LARGE1: variants seen among roughly 807,000 people sequenced by gnomAD.
LARGE1 encodes the protein xylosyl- and glucuronyltransferase LARGE1.
LARGE1 carries 43 observed loss-of-function variants against 87.6 expected under a neutral mutation model. The ratio of observed to expected loss-of-function variants is 0.49; its 90% CI spans 0.38 to 0.63. The LOEUF (loss-of-function observed/expected upper bound fraction) is 0.63. LARGE1 is among the 30% of genes least tolerant of loss of function. The pLI, the probability that LARGE1 is intolerant of heterozygous loss-of-function variation, is 0.00. For synonymous variants in LARGE1, 434 were observed against 394.6 expected (o/e 1.10, Z -1.18); for missense variants, 802 against 1,000.2 (o/e 0.80, Z 2.67).
chr22:33,750,355 T>C (rs1259585475), intron 2 of LARGE1, among the ~76,000 whole-genome samples: 1 of 152,184 alleles, frequency 6.6e-6, no homozygotes, highest in African/African-American at 2.4e-5. Flanking sequence ...CCAAAAATCA[T>C]GACTTCTTAT....
intron 11 of LARGE1, among the ~76,000 whole-genome samples, chr22:33,211,543 C>T (rs539630846): frequency 2.2e-4 from 33 of 152,122 alleles, no homozygotes; most frequent in South Asian, 1.7e-3. Context: ...GAGGCCGAGG[C>T]GATGGATCAC....
At chr22:33,860,969 G>A (rs1009884372) in intron 1 of LARGE1, among the ~76,000 whole-genome samples, 1 of 152,158 alleles carries the variant, frequency 6.6e-6, no homozygotes, top group East Asian at 1.9e-4. Flanking sequence ...GGTCCTTGGA[G>A]TGTGAAGCCT....
intron 2 of LARGE1, among the ~76,000 whole-genome samples, chr22:33,730,582 ATGAC>A (rs1287626903): frequency 2.0e-5 from 3 of 152,230 alleles, no homozygotes; most frequent in African/African-American, 7.2e-5. Context: ...CAACTGTAAT[ATGAC>A]TGTATTATAC....
intron 2 of LARGE1, among the ~76,000 whole-genome samples, chr22:33,679,667 C>A (rs1405682347): frequency 2.0e-5 from 3 of 152,112 alleles, no homozygotes; most frequent in Non-Finnish European, 2.9e-5. Flanking sequence ...CATGATGAAA[C>A]CCTGTCTCTA....
chr22:33,613,871 G>C (rs530897833), intron 4 of LARGE1, among the ~76,000 whole-genome samples: 194 of 152,262 alleles, frequency 1.3e-3, no homozygotes, highest in African/African-American at 4.3e-3. Flanking sequence ...ACAGAAATCA[G>C]TTTTCCCTCT....
intron 1 of LARGE1, among the ~76,000 whole-genome samples, chr22:33,801,364 C>T (rs1332665811): frequency 6.6e-6 from 1 of 152,198 alleles, no homozygotes; most frequent in Non-Finnish European, 1.5e-5. Flanking sequence ...TGCAACCTCA[C>T]CAGCATCTGA....
intron 6 of LARGE1, among the ~76,000 whole-genome samples, chr22:33,495,335 C>A (rs759777715): frequency 1.2e-4 from 19 of 152,180 alleles, no homozygotes; most frequent in Admixed American, 2.0e-4. Flanking sequence ...CTCTCCCAAG[C>A]CCTTGACTGC....
chr22:33,319,139 C>T (rs1936466512), intron 10 of LARGE1, among the ~76,000 whole-genome samples: 1 of 152,150 alleles, frequency 6.6e-6, no homozygotes, highest in African/African-American at 2.4e-5. Flanking sequence ...GTGGTGCTTA[C>T]TAAAGCGGCA....
intron 11 of LARGE1, among the ~76,000 whole-genome samples, chr22:33,221,970 C>T (rs56824716): frequency 0.046 from 7,058 of 152,274 alleles, 537 homozygotes; most frequent in African/African-American, 0.16. Context: ...AACATTTTCA[C>T]TGGCCCCTCA....
intron 12 of LARGE1, among the ~76,000 whole-genome samples, chr22:33,297,185 C>T (rs1933403215): frequency 6.6e-6 from 1 of 152,120 alleles, no homozygotes; most frequent in Non-Finnish European, 1.5e-5. Context: ...ATAGAACAGC[C>T]ATGATGTGCC....
chr22:33,600,742 A>T (rs1213436976), intron 5 of LARGE1, among the ~76,000 whole-genome samples: 1 of 152,204 alleles, frequency 6.6e-6, no homozygotes, highest in East Asian at 1.9e-4. Flanking sequence ...GAGAGATGTG[A>T]CTCGGTTAAG....
chr22:33,894,254 G>A (rs1293345469), intron 1 of LARGE1, among the ~76,000 whole-genome samples: 1 of 152,164 alleles, frequency 6.6e-6, no homozygotes, highest in African/African-American at 2.4e-5. Context: ...CAGATCACCT[G>A]TGGAGTTTTT....
At chr22:33,333,903 G>T (rs1938069903) in intron 10 of LARGE1, among the ~76,000 whole-genome samples, 1 of 148,324 alleles carries the variant, frequency 6.7e-6, no homozygotes, top group Non-Finnish European at 1.5e-5. Flanking sequence ...TGGATCACCT[G>T]AGGTCAGGAG....
intron 1 of LARGE1, among the ~76,000 whole-genome samples, chr22:33,793,533 C>T (rs1420589772): frequency 2.6e-5 from 4 of 152,192 alleles, no homozygotes; most frequent in Admixed American, 2.0e-4. Flanking sequence ...TGTCCAATTC[C>T]CACTCCCAAA....
intron 6 of LARGE1, among the ~76,000 whole-genome samples, chr22:33,486,225 T>C (rs1044013160): frequency 2.0e-5 from 3 of 152,168 alleles, no homozygotes; most frequent in African/African-American, 4.8e-5. Flanking sequence ...GGGCTGGGTG[T>C]GGGTGGTGCC....
At chr22:33,375,109 T>C (rs957799131) in intron 9 of LARGE1, among the ~76,000 whole-genome samples, 48 of 152,262 alleles carry the variant, frequency 3.2e-4, no homozygotes, top group African/African-American at 1.1e-3. Context: ...CAAAAATAAA[T>C]TGCATGAGAT....
chr22:33,322,330 G>A (rs986238393), intron 10 of LARGE1, among the ~76,000 whole-genome samples: 8 of 152,138 alleles, frequency 5.3e-5, no homozygotes, highest in South Asian at 2.1e-4. Flanking sequence ...TCTGAGTGGT[G>A]GATTCACAGA....
intron 6 of LARGE1, among the ~76,000 whole-genome samples, chr22:33,547,432 G>T (rs1325051058): frequency 6.6e-6 from 1 of 152,152 alleles, no homozygotes; most frequent in Non-Finnish European, 1.5e-5. Context: ...TGCTCGCCTG[G>T]TTCCTAACAG....
At chr22:33,433,537 A>C (rs2067155548) in intron 6 of LARGE1, among the ~76,000 whole-genome samples, 1 of 145,684 alleles carries the variant, frequency 6.9e-6, no homozygotes. Context: ...CGGAGCTTGC[A>C]GTGAGCCGAG....
Sources: allele counts gnomAD v4.1 joint callset (sites outside exome capture counted in the v4.1 genomes callset), GRCh38; gene constraint gnomAD v4.1.1; transcripts MANE v1.5; gene names NCBI Gene and HGNC (gene_info 2026-07-23, HGNC 2026-07-21).